The following UBE3B variants were observed in gnomAD, a reference collection of about 807,000 sequenced individuals.
UBE3B encodes the protein ubiquitin protein ligase E3B.
A neutral mutation model predicts 132.3 loss-of-function variants in UBE3B; 80 were observed. The observed-to-expected ratio is 0.60, with a 90% CI of 0.50 to 0.73. The LOEUF (loss-of-function observed/expected upper bound fraction) is 0.73. Among genes scored for constraint, UBE3B ranks in the 30% least tolerant of loss-of-function variants. The pLI, the probability that UBE3B is intolerant of heterozygous loss-of-function variation, is 0.00. For missense variants in UBE3B, 1,196 were observed against 1,362.5 expected, an observed-to-expected ratio of 0.88 and a Z score of 1.92; for synonymous variants, 487 against 520.4, an observed-to-expected ratio of 0.94 and a Z score of 0.87.
At chr12:109,504,014 T>C (rs1194190472) in intron 14 of UBE3B, among the ~76,000 whole-genome samples, 1 of 152,238 alleles carries the variant, frequency 6.6e-6, no homozygotes, top group East Asian at 1.9e-4. Context: ...TTCTTCGTTC[T>C]CAAGGGGATT....
intron 26 of UBE3B, among the ~76,000 whole-genome samples, chr12:109,532,934 C>T (rs745815924): frequency 5.3e-5 from 8 of 152,330 alleles, no homozygotes; most frequent in Non-Finnish European, 8.8e-5. Flanking sequence ...TGTGCAGTCC[C>T]CTCTGCATGA....
At chr12:109,502,956 CT>C in intron 13 of UBE3B, 66 bp from the exon 14 acceptor site, 1 of 1,600,192 alleles carries the variant, frequency 6.2e-7, no homozygotes, top group South Asian at 1.1e-5. Flanking sequence ...AATGCTCTTC[CT>C]TTTCCAGGGT....
At chr12:109,488,165 C>A (rs934481571) in intron 6 of UBE3B, among the ~76,000 whole-genome samples, 6 of 152,202 alleles carry the variant, frequency 3.9e-5, no homozygotes, top group African/African-American at 7.2e-5. Context: ...AAGAAACTTG[C>A]CTAAGCTCAC....
chr12:109,507,553 G>GT lies in UBE3B; in HGVS notation c.1451-5dup. On this transcript the variant is annotated splice_polypyrimidine_tract_variant and intron_variant, in intron 14 of 27. Transcript: ENST00000342494. ...CCACCTGAAGCTTGGGTTTCTCTGT[G>GT]TTTTTTCCAGGTCTCACTTACCTTG... is the stretch of plus-strand genomic sequence containing the variant. 6.2e-7 allele frequency: 1 copy of GT among 1,609,074 alleles called. No individual in the cohort carries two copies. The highest frequency in any genetic ancestry group is 8.5e-7 in the Non-Finnish European group (1 of 1,177,444).
At chr12:109,540,916 G>A (rs1371024625), downstream of UBE3B, among the ~76,000 whole-genome samples, 1 of 152,252 alleles carries the variant, frequency 6.6e-6, no homozygotes, top group East Asian at 1.9e-4. Flanking sequence ...TATGAGAGCG[G>A]CTCTGGGACC....
In UBE3B at chr12:109,511,267, C is replaced by T. The variant is rs1254508289; in HGVS notation, c.1920C>T (p.Ile640=). 1.2e-6 allele frequency: 2 copies of T among 1,614,194 alleles called. No individual in the cohort carries two copies. The highest frequency in any genetic ancestry group is 1.7e-6 in the Non-Finnish European group (2 of 1,180,016). The change falls in exon 18 of 28, where the codon ATC becomes ATT. Residue 640 remains isoleucine, a synonymous_variant. Transcript: ENST00000342494. ...LDRDRKRAQL[I]LQYIPHVIPH... The stretch of plus-strand genomic sequence containing the variant: ...GGGACAGAAAACGGGCACAGTTGAT[C>T]CTGCAGTACATCCCACATGTCATCC...
At chr12:109,542,786 T>C in the UBE3B span, among the ~76,000 whole-genome samples, 1 of 152,218 alleles carries the variant, frequency 6.6e-6, no homozygotes, top group African/African-American at 2.4e-5. Context: ...GAACCAACCC[T>C]GTGAATCTCT....
downstream of UBE3B, among the ~76,000 whole-genome samples, chr12:109,539,764 C>T (rs955619679): frequency 5.9e-5 from 9 of 152,160 alleles, no homozygotes; most frequent in Non-Finnish European, 1.0e-4. Context: ...TCCCGGGGAT[C>T]CTCTGCTGGG....
chr12:109,524,361 G>A (rs1459914654), intron 22 of UBE3B, 77 bp from the exon 23 acceptor site: 87 of 1,550,260 alleles, frequency 5.6e-5, no homozygotes, highest in South Asian at 3.4e-5. Flanking sequence ...CCAAAGCAGC[G>A]CCTCAAGGGA....
At chr12:109,511,457 C>T in intron 18 of UBE3B, 154 bp downstream of exon 18, 1 of 694,720 alleles carries the variant, frequency 1.4e-6, no homozygotes, top group South Asian at 1.8e-5. Flanking sequence ...GGTGAGGTTA[C>T]ACCCAGTGCT....
At chr12:109,498,433 G>T (rs73196275) in intron 11 of UBE3B, 80 bp downstream of exon 11, 109,615 of 1,513,590 alleles carry the variant, frequency 0.072, 4,494 homozygotes, top group Middle Eastern at 0.09. Context: ...CTATTCTAGA[G>T]ATTTGGTTGT....
In UBE3B at chr12:109,481,724, G is replaced by C. The variant is rs1019222913; in HGVS notation, c.-40G>C. On this transcript the variant is annotated 5_prime_UTR_variant, in exon 2 of 28. Coordinates refer to ENST00000342494, the MANE Select transcript of UBE3B (RefSeq NM_130466.4). ...ACTAATGATTACCTGGCATTTCTGC[G>C]ACACAGGCAGGTCCTCAGGTGAGAT... 6.6e-6 allele frequency: 1 copy of C among 152,178 alleles called. No individual in the cohort carries two copies. The highest frequency in any genetic ancestry group is 2.4e-5 in the African/African-American group (1 of 41,436). 9.4% of individuals were successfully genotyped at this position (152,178 alleles called of 1,614,324 possible). A position where few individuals can be genotyped will look rare whatever the true frequency, so the allele number is the denominator to read the frequency against.
At chr12:109,539,497 C>T (rs998899919), downstream of UBE3B, among the ~76,000 whole-genome samples, 5 of 152,144 alleles carry the variant, frequency 3.3e-5, no homozygotes, top group African/African-American at 7.2e-5. Context: ...TCTGGGAGGC[C>T]GGTGGAAAGT....
chr12:109,530,543 T>C lies in UBE3B; in HGVS notation c.2811-4T>C, dbSNP rs1317909153. On this transcript the variant is annotated splice_polypyrimidine_tract_variant and splice_region_variant and intron_variant, in intron 25 of 27. Coordinates refer to ENST00000342494, the MANE Select transcript of UBE3B (RefSeq NM_130466.4). Reference sequence around the variant, plus strand: ...TGCTGAGCCCAGGTCTGTATTGCTTTCAGGAAGCACACAGTCTACTACGGT... The same window carrying C: ...TGCTGAGCCCAGGTCTGTATTGCTTCCAGGAAGCACACAGTCTACTACGGT... 1.9e-6 allele frequency: 3 copies of C among 1,613,820 alleles called. No individual in the cohort carries two copies. The East Asian group carries it at 6.7e-5, about 36-fold the overall frequency.
At chr12:109,541,040 C>A (rs537230063), downstream of UBE3B, among the ~76,000 whole-genome samples, 1 of 152,350 alleles carries the variant, frequency 6.6e-6, no homozygotes, top group Non-Finnish European at 1.5e-5. Flanking sequence ...GCCTCTGAGT[C>A]CACCATCCTT....
chr12:109,534,072 A>T lies in UBE3B; in HGVS notation c.3015+514A>T, dbSNP rs921547315. 4.6e-6 allele frequency: 6 copies of T among 1,293,608 alleles called. No individual in the cohort carries two copies. The highest frequency in any genetic ancestry group is 6.0e-6 in the Non-Finnish European group (6 of 992,484). 80.1% of individuals were successfully genotyped at this position (1,293,608 alleles called of 1,614,324 possible). ...CTGTGGGTGCTCAAATGAGAGTCCT[A>T]CTCCCCATAAAAACCCAGTGGCCGC... is the stretch of plus-strand genomic sequence containing the variant. On this transcript the variant is annotated intron_variant, in intron 27 of 27. Transcript: ENST00000342494. This position sits in a 1 kb window ranked among gnomAD's most constrained non-coding sequence, Gnocchi z 5.2.
chr12:109,506,743 C>CT (rs1211535033), intron 14 of UBE3B, among the ~76,000 whole-genome samples: 1 of 152,218 alleles, frequency 6.6e-6, no homozygotes, highest in African/African-American at 2.4e-5. Flanking sequence ...TAAATTTGGC[C>CT]TGAGGATGCC....
At chr12:109,489,566 T>C (rs1020344662) in intron 7 of UBE3B, among the ~76,000 whole-genome samples, 4 of 152,222 alleles carry the variant, frequency 2.6e-5, no homozygotes, top group African/African-American at 7.2e-5. Flanking sequence ...GGGAAGCTCA[T>C]GTCCCATTGA....
intron 9 of UBE3B, among the ~76,000 whole-genome samples, chr12:109,496,577 C>T (rs546886525): frequency 6.6e-6 from 1 of 152,346 alleles, no homozygotes; most frequent in South Asian, 2.1e-4. Context: ...ATTTAGCCAT[C>T]CCAGTGGCTG....
Sources: gnomAD v4.1 joint callset for allele counts (sites outside exome capture counted in the v4.1 genomes callset) on GRCh38, gnomAD v4.1.1 for gene constraint, Gnocchi (gnomAD v3.1) non-coding constraint, MANE v1.5 for transcripts, NCBI Gene and HGNC (gene_info 2026-07-23, HGNC 2026-07-21) for gene names.